The following RBM5 variants were observed in gnomAD, a reference collection of about 807,000 sequenced individuals.
RBM5 encodes RNA-binding protein 5.
RBM5 carries 15 observed loss-of-function variants against 124.6 expected under a neutral mutation model. That is an observed-to-expected ratio of 0.12 (90% confidence interval 0.08 to 0.19). The LOEUF (loss-of-function observed/expected upper bound fraction) is 0.19, where lower values mean the gene tolerates loss of function less well. RBM5 is among the 10% of genes least tolerant of loss of function. The pLI, the probability that RBM5 is intolerant of heterozygous loss-of-function variation, is 1.00. For synonymous variants in RBM5, 337 were observed against 361.2 expected (o/e 0.93, Z 0.76); for missense variants, 580 against 1,026.5 (o/e 0.57, Z 5.94).
At chr3:50,104,877 A>G in intron 8 of RBM5, 200 bp from the exon 9 acceptor site, 1 of 509,606 alleles carries the variant, frequency 2.0e-6, no homozygotes, top group Non-Finnish European at 3.6e-6. Context: ...GGGTAGTGTC[A>G]GTCCCACTGT....
intron 17 of RBM5, among the ~76,000 whole-genome samples, chr3:50,111,905 A>G (rs1178308947): frequency 6.6e-6 from 1 of 152,064 alleles, no homozygotes; most frequent in Non-Finnish European, 1.5e-5. Context: ...AGTAATAAGT[A>G]TTTTTAACAG....
At chr3:50,107,430 A>G in intron 11 of RBM5, 52 bp from the exon 12 acceptor site, 2 of 1,407,018 alleles carry the variant, frequency 1.4e-6, no homozygotes, top group Non-Finnish European at 2.0e-6. Context: ...TAGGGGCACT[A>G]ATTGTGGGAA....
In RBM5 at chr3:50,117,499, G is replaced by C. The variant is rs1348876999; in HGVS notation, c.2322+120G>C. 7.2e-7 allele frequency: 1 copy of C among 1,392,894 alleles called. No individual in the cohort carries two copies. The highest frequency in any genetic ancestry group is 2.1e-5 in the Admixed American group (1 of 48,174). The allele number at this position is 1,392,894 out of a possible 1,614,324, so 86.3% of individuals were successfully genotyped here. On this transcript the variant is annotated intron_variant, in intron 24 of 24. Coordinates refer to ENST00000347869, the MANE Select transcript of RBM5 (RefSeq NM_005778.4). The surrounding 1 kb of genome is among the most constrained non-coding windows in gnomAD (Gnocchi z 4.2). ...AGCTTTACCTTAGCATGAAGGGGCAGATTACAGGCATGAGCTCACACCTGT... is the reference window on the plus strand; with the variant it reads ...AGCTTTACCTTAGCATGAAGGGGCACATTACAGGCATGAGCTCACACCTGT...
In RBM5 at chr3:50,113,935, G is replaced by C; in HGVS notation, c.1618-15G>C. The C allele has an allele frequency of 6.2e-7, 1 of 1,607,384 alleles. No individual in the cohort carries two copies. Among genetic ancestry groups the C allele is most frequent in the South Asian group, 1.1e-5 (1 of 89,976 alleles). ...ATTAAATATTTTTTTGTTGGTGTTT[G>C]TTGTTTGACATTAGATTGCCAAAGA... On this transcript the variant is annotated splice_polypyrimidine_tract_variant and intron_variant, in intron 18 of 24. Transcript: ENST00000347869.
chr3:50,115,246 C>A, intron 20 of RBM5, 182 bp from the exon 21 acceptor site: 1 of 632,308 alleles, frequency 1.6e-6, no homozygotes, highest in Non-Finnish European at 2.6e-6. Context: ...GGCTGTCAGG[C>A]CTAGCACTCA....
chr3:50,116,568 T>C (rs2091256709), intron 22 of RBM5: 2 of 176,530 alleles, frequency 1.1e-5, no homozygotes. Context: ...ACCTGAGATA[T>C]TTCTGAAGTG....
In RBM5 at chr3:50,107,381, T is replaced by C. The variant is rs2091052652; in HGVS notation, c.954-101T>C. 8 of 969,962 alleles carry C rather than the reference T, an allele frequency of 8.2e-6. No homozygotes were observed. In the South Asian group the frequency reaches 1.1e-4, roughly 13 times the overall value. The allele number at this position is 969,962 out of a possible 1,614,324, so 60.1% of individuals were successfully genotyped here. On this transcript the variant is annotated intron_variant, in intron 11 of 24. Coordinates refer to ENST00000347869, the MANE Select transcript of RBM5 (RefSeq NM_005778.4). ...TGTGAAATGTGGCCTTGCTGGCATT[T>C]GAGAACTGACAAAGGGTGGAGTGAA...
In RBM5 at chr3:50,115,388, A is replaced by G. The variant is rs747196407; in HGVS notation, c.1840-40A>G. 3.1e-6 allele frequency: 5 copies of G among 1,596,840 alleles called. No homozygotes were observed. The East Asian group carries it at 8.9e-5, about 29-fold the overall frequency. On this transcript the variant is annotated intron_variant, in intron 20 of 24. Coordinates refer to ENST00000347869, the MANE Select transcript of RBM5 (RefSeq NM_005778.4). ...GGTACATAGCCACCGCCATCTTCCT[A>G]TTGTACATTTCCAGTGACCTGTCCT...
At chr3:50,096,521 A>C (rs1575304976) in intron 4 of RBM5, among the ~76,000 whole-genome samples, 1 of 152,158 alleles carries the variant, frequency 6.6e-6, no homozygotes, top group East Asian at 1.9e-4. Context: ...GGTCCTATTG[A>C]AAGAGGTCTG....
chr3:50,107,695 T>C (rs1413401894), intron 12 of RBM5, 126 bp downstream of exon 12: 1 of 571,076 alleles, frequency 1.8e-6, no homozygotes, highest in African/African-American at 2.6e-5. Flanking sequence ...TTTTTTTTTT[T>C]TTTTTTTTGA....
At chr3:50,090,566 G>A (rs1707027117) in intron 2 of RBM5, 115 bp downstream of exon 2, 6 of 1,199,642 alleles carry the variant, frequency 5.0e-6, no homozygotes, top group South Asian at 1.3e-5. Context: ...CATTGCTAAC[G>A]AACACCTTTA....
chr3:50,092,941 ATCTTTT>A (rs1471873032), intron 3 of RBM5: 44 of 110,078 alleles, frequency 4.0e-4, no homozygotes, highest in East Asian at 1.1e-3. Context: ...ATCTTGATAT[ATCTTTT>A]TTTTTTTTTT....
intron 4 of RBM5, 121 bp downstream of exon 4, chr3:50,093,996 C>G: frequency 9.0e-7 from 1 of 1,107,332 alleles, no homozygotes; most frequent in Non-Finnish European, 1.3e-6. Context: ...ATCCCTTATC[C>G]AAAATGCTTG....
intron 7 of RBM5, 123 bp downstream of exon 7, chr3:50,103,289 TG>T: frequency 1.2e-6 from 1 of 828,210 alleles, no homozygotes; most frequent in Admixed American, 2.3e-5. Flanking sequence ...ATTCATGGTT[TG>T]TTACTTTCCT....
At chr3:50,116,989 G>C (rs2091265274) in intron 22 of RBM5, 85 bp from the exon 23 acceptor site, 1 of 1,240,226 alleles carries the variant, frequency 8.1e-7, no homozygotes, top group Non-Finnish European at 1.2e-6. Flanking sequence ...AAAAATACTT[G>C]AGGGGATAGT....
chr3:50,115,237 G>A (rs1214339294), intron 20 of RBM5, 191 bp from the exon 21 acceptor site: 2 of 579,052 alleles, frequency 3.5e-6, no homozygotes, highest in Non-Finnish European at 5.8e-6. Context: ...GTACCAGGAG[G>A]CTGTCAGGCC....
chr3:50,093,669 T>G, intron 3 of RBM5, 51 bp from the exon 4 acceptor site: 1 of 1,563,482 alleles, frequency 6.4e-7, no homozygotes, highest in Non-Finnish European at 8.8e-7. Flanking sequence ...GAGGGTCTGT[T>G]TCAAAGAGTA....
chr3:50,094,156 A>ATTTT, intron 4 of RBM5: 1 of 165,326 alleles, frequency 6.0e-6, no homozygotes, highest in Non-Finnish European at 1.3e-5. Context: ...ACTTTAAATA[A>ATTTT]TTTTTTTTTT....
chr3:50,095,124 C>T (rs2090786923), intron 4 of RBM5, among the ~76,000 whole-genome samples: 1 of 152,128 alleles, frequency 6.6e-6, no homozygotes, highest in African/African-American at 2.4e-5. Context: ...TGGCTTGAAC[C>T]TGGGAGGCGG....
Sources: gnomAD v4.1 joint callset for allele counts (sites outside exome capture counted in the v4.1 genomes callset) on GRCh38, gnomAD v4.1.1 for gene constraint, Gnocchi (gnomAD v3.1) non-coding constraint, MANE v1.5 for transcripts, NCBI Gene and HGNC (gene_info 2026-07-23, HGNC 2026-07-21) for gene names.